Variants in GAB4 observed in about 807,000 individuals in gnomAD.
GAB4 encodes GRB2 associated binding protein family member 4, also known as GRB2-associated-binding protein 4.
A neutral mutation model predicts 51.3 loss-of-function variants in GAB4; 26 were observed. That is an observed-to-expected ratio of 0.51 (90% CI 0.37 to 0.70). The LOEUF is 0.70. Ranked by LOEUF, GAB4 falls within the 30% of genes least tolerant of loss-of-function variation. The probability of loss-of-function intolerance (pLI) is 0.00; values close to 1 mark genes in which losing one functional copy is unlikely to be tolerated. For synonymous variants in GAB4, 329 were observed against 291.2 expected (o/e 1.13, Z -1.32); for missense variants, 759 against 734.6 (o/e 1.03, Z -0.38).
At position 16,984,246 on chromosome 22, in the gene GAB4, CAT is replaced by C. The variant is rs767458811; in HGVS notation, c.686+3712_686+3713del. ...ATTACGAAAATGCAAATCAAAACCA[CAT>C]GAGATATCATCTCCCCCAGTTAAAA... is the stretch of plus-strand genomic sequence containing the variant. On this transcript the variant is annotated intron_variant, in intron 3 of 9. Transcript: ENST00000400588. 1.6e-4 allele frequency among the ~76,000 whole-genome samples: 25 copies of C among 152,202 alleles called. 1 individual carries two copies. The East Asian group carries it at 2.9e-3, about 18-fold the overall frequency.
chr22:16,978,411 CA>C (rs2060798503), intron 3 of GAB4, among the ~76,000 whole-genome samples: 2 of 152,244 alleles, frequency 1.3e-5, no homozygotes. Flanking sequence ...CACCTCTATG[CA>C]AATAAACTAG....
intron 1 of GAB4, among the ~76,000 whole-genome samples, chr22:16,993,312 A>G (rs571878424): frequency 1.3e-5 from 2 of 152,238 alleles, no homozygotes; most frequent in Non-Finnish European, 2.9e-5. Flanking sequence ...CACCACCACC[A>G]CCACCTGCCC....
intron 3 of GAB4, among the ~76,000 whole-genome samples, chr22:16,982,972 G>A (rs2060839162): frequency 6.6e-6 from 1 of 152,134 alleles, no homozygotes; most frequent in South Asian, 2.1e-4. Context: ...CAGGGCTCAG[G>A]GCATAAAACC....
At chr22:16,996,599 A>G (rs1207624495) in intron 1 of GAB4, among the ~76,000 whole-genome samples, 1 of 152,204 alleles carries the variant, frequency 6.6e-6, no homozygotes, top group African/African-American at 2.4e-5. Flanking sequence ...CATCAGACTA[A>G]GAGCAGATCT....
At chr22:16,997,578 C>A (rs1301413958) in intron 1 of GAB4, among the ~76,000 whole-genome samples, 1 of 152,180 alleles carries the variant, frequency 6.6e-6, no homozygotes, top group Non-Finnish European at 1.5e-5. Context: ...AATTTTCTCC[C>A]ATTCTGTAGG....
intron 1 of GAB4, among the ~76,000 whole-genome samples, chr22:16,993,368 C>G (rs1380877410): frequency 6.6e-6 from 1 of 152,118 alleles, no homozygotes; most frequent in Non-Finnish European, 1.5e-5. Flanking sequence ...GAACCACTTG[C>G]TATACAACCC....
intron 3 of GAB4, among the ~76,000 whole-genome samples, chr22:16,979,046 C>T (rs1272066289): frequency 3.3e-5 from 5 of 152,086 alleles, no homozygotes; most frequent in Non-Finnish European, 5.9e-5. Context: ...ATAATAAGAG[C>T]TATTTATGAC....
intron 1 of GAB4, among the ~76,000 whole-genome samples, chr22:16,995,078 A>G (rs1479363113): frequency 6.6e-6 from 1 of 152,206 alleles, no homozygotes; most frequent in African/African-American, 2.4e-5. Context: ...CATTCATCCT[A>G]TAAACGCCTT....
intron 1 of GAB4, among the ~76,000 whole-genome samples, chr22:17,004,153 A>G (rs1016021214): frequency 1.6e-4 from 25 of 152,354 alleles, no homozygotes; most frequent in African/African-American, 5.8e-4. Flanking sequence ...TAAACCAATA[A>G]TAAATTCTGA....
At chr22:16,991,763 C>T (rs1331156717) in intron 2 of GAB4, 110 bp downstream of exon 2, 23 of 929,824 alleles carry the variant, frequency 2.5e-5, no homozygotes, top group South Asian at 4.8e-5. Context: ...AGCTTCATCA[C>T]GAGCCCAACA....
At chr22:16,988,835 C>T (rs2060890418) in intron 2 of GAB4, among the ~76,000 whole-genome samples, 1 of 152,192 alleles carries the variant, frequency 6.6e-6, no homozygotes, top group African/African-American at 2.4e-5. Context: ...ATCAGCCATC[C>T]TGCACACACC....
chr22:16,964,726 G>T, intron 8 of GAB4, 40 bp downstream of exon 8: 1 of 1,411,156 alleles, frequency 7.1e-7, no homozygotes, highest in Non-Finnish European at 1.0e-6. Context: ...GGTCCCAGGG[G>T]ACTCTGATAG....
intron 3 of GAB4, among the ~76,000 whole-genome samples, chr22:16,986,373 G>T (rs2060867925): frequency 6.6e-6 from 1 of 152,184 alleles, no homozygotes; most frequent in Admixed American, 6.5e-5. Flanking sequence ...ACGACTGGAA[G>T]ACCTCAGTTC....
chr22:16,990,575 G>C (rs1440900132), intron 2 of GAB4, among the ~76,000 whole-genome samples: 1 of 152,120 alleles, frequency 6.6e-6, no homozygotes, highest in Non-Finnish European at 1.5e-5. Flanking sequence ...GCCCCCAGTT[G>C]TATGTGTGGG....
chr22:16,964,739 G>T, intron 8 of GAB4, 27 bp downstream of exon 8: 1 of 1,509,658 alleles, frequency 6.6e-7, no homozygotes, highest in Non-Finnish European at 9.2e-7. Context: ...TCTGATAGGA[G>T]CCTTACAGTG....
chr22:16,988,221 G>T, intron 2 of GAB4, 54 bp from the exon 3 acceptor site: 2 of 1,197,500 alleles, frequency 1.7e-6, no homozygotes, highest in Non-Finnish European at 2.5e-6. Flanking sequence ...GGCTGCTAGA[G>T]GCAGAAACAC....
intron 5 of GAB4, chr22:16,967,473 G>A (rs1449197497): frequency 1.3e-5 from 2 of 152,346 alleles, no homozygotes; most frequent in Non-Finnish European, 2.9e-5. Flanking sequence ...CACATCAGAT[G>A]TCTTGGCCCT....
In GAB4 at chr22:16,987,958, A is replaced by G. The variant is rs531427759; in HGVS notation, c.686+2T>C. 8.8e-6 allele frequency: 14 copies of G among 1,593,536 alleles called. No individual in the cohort carries two copies. The highest frequency in any genetic ancestry group is 6.8e-5 in the South Asian group (6 of 87,980). On this transcript the variant is annotated splice_donor_variant, in intron 3 of 9. Transcript: ENST00000400588. LOFTEE classifies it high-confidence loss of function. ...CCCCCACTGGCCATAGTAGCCCCCTACCTTGCATGTTCTGCTCTCTGGCTG... is the reference window on the plus strand; with the variant it reads ...CCCCCACTGGCCATAGTAGCCCCCTGCCTTGCATGTTCTGCTCTCTGGCTG...
Position 16,981,590 on chromosome 22 carries a change from C to T in GAB4, c.686+6370G>A, listed in dbSNP as rs115792694. On this transcript the variant is annotated intron_variant, in intron 3 of 9. Coordinates refer to ENST00000400588, the MANE Select transcript of GAB4 (RefSeq NM_001037814.1). Reference sequence around the variant, plus strand: ...GGTTGAATCATGAAGAAATAGAAAACCTGAACAGACCAAGAAGTCACAAGA... The same window carrying T: ...GGTTGAATCATGAAGAAATAGAAAATCTGAACAGACCAAGAAGTCACAAGA... Among the ~76,000 whole-genome samples the T allele has an allele frequency of 5.0e-3, 758 of 152,190 alleles. 6 individuals are homozygous for T. The highest frequency in any genetic ancestry group is 0.017 in the African/African-American group (719 of 41,536).
Sources: allele counts gnomAD v4.1 joint callset (sites outside exome capture counted in the v4.1 genomes callset), GRCh38; gene constraint gnomAD v4.1.1; transcripts MANE v1.5; gene names NCBI Gene and HGNC (gene_info 2026-07-23, HGNC 2026-07-21).